Variants in RPGRIP1L observed in about 807,000 individuals in gnomAD.
RPGRIP1L encodes the protein RPGRIP1 like.
Under a neutral mutation model 160.4 loss-of-function variants are expected in RPGRIP1L, and 131 were observed. The ratio of observed to expected loss-of-function variants is 0.82; its 90% CI spans 0.71 to 0.94. The LOEUF (loss-of-function observed/expected upper bound fraction) is 0.94, where lower values mean the gene tolerates loss of function less well. Among genes scored for constraint, RPGRIP1L ranks in the 40% least tolerant of loss-of-function variants. The pLI, the probability that RPGRIP1L is intolerant of heterozygous loss-of-function variation, is 0.00. For synonymous variants in RPGRIP1L, 510 were observed against 515.8 expected, an observed-to-expected ratio of 0.99 and a Z score of 0.15; for missense variants, 1,522 against 1,535.8, an observed-to-expected ratio of 0.99 and a Z score of 0.15.
At chr16:53,656,356 A>C in intron 14 of RPGRIP1L, 116 bp downstream of exon 14, 1 of 805,530 alleles carries the variant, frequency 1.2e-6, no homozygotes, top group South Asian at 1.3e-5. Flanking sequence ...GCTAGCTATG[A>C]ATTAGGCGTA....
intron 9 of RPGRIP1L, among the ~76,000 whole-genome samples, chr16:53,666,345 T>G (rs1968248999): frequency 6.6e-6 from 1 of 152,126 alleles, no homozygotes; most frequent in South Asian, 2.1e-4. Context: ...TATGGAAACT[T>G]AACAAAATAT....
intron 17 of RPGRIP1L, 124 bp from the exon 18 acceptor site, chr16:53,641,599 G>C (rs1966228897): frequency 2.4e-6 from 2 of 842,728 alleles, no homozygotes; most frequent in South Asian, 3.2e-5. Flanking sequence ...TAGCCAGGTG[G>C]TTGTACCCCC....
intron 22 of RPGRIP1L, among the ~76,000 whole-genome samples, chr16:53,630,167 T>C (rs963796194): frequency 4.6e-5 from 7 of 151,990 alleles, no homozygotes; most frequent in Non-Finnish European, 1.0e-4. Flanking sequence ...ACCTCAGCCT[T>C]CAGAGTAGCT....
At chr16:53,665,246 C>T (rs1320145727) in intron 9 of RPGRIP1L, among the ~76,000 whole-genome samples, 1 of 152,030 alleles carries the variant, frequency 6.6e-6, no homozygotes, top group East Asian at 1.9e-4. Flanking sequence ...GCTCTAAAGT[C>T]AGAAAAGTTG....
At chr16:53,649,731 C>G (rs1381871374) in intron 15 of RPGRIP1L, among the ~76,000 whole-genome samples, 1 of 152,186 alleles carries the variant, frequency 6.6e-6, no homozygotes, top group Non-Finnish European at 1.5e-5. Flanking sequence ...GGAAGACTTT[C>G]TGTGTGGCTC....
chr16:53,657,413 T>C, intron 13 of RPGRIP1L, 40 bp downstream of exon 13: 1 of 1,334,280 alleles, frequency 7.5e-7, no homozygotes, highest in Non-Finnish European at 1.1e-6. Context: ...ATCAGAATAT[T>C]ATAGAAAACT....
At chr16:53,634,577 C>T (rs554059307) in intron 22 of RPGRIP1L, among the ~76,000 whole-genome samples, 1 of 152,072 alleles carries the variant, frequency 6.6e-6, no homozygotes, top group Non-Finnish European at 1.5e-5. Context: ...AAATCCCACA[C>T]GAATAGATTA....
intron 24 of RPGRIP1L, among the ~76,000 whole-genome samples, chr16:53,615,850 G>C (rs1370323687): frequency 6.6e-6 from 1 of 152,076 alleles, no homozygotes; most frequent in East Asian, 1.9e-4. Flanking sequence ...GTCCACCTCA[G>C]CCTCCCAAAG....
At chr16:53,675,512 C>A (rs1339300644) in intron 6 of RPGRIP1L, among the ~76,000 whole-genome samples, 2 of 152,114 alleles carry the variant, frequency 1.3e-5, no homozygotes, top group South Asian at 2.1e-4. Flanking sequence ...GGAGGACTAT[C>A]ACGCTACTTT....
chr16:53,647,798 T>C (rs1312861695), intron 16 of RPGRIP1L, among the ~76,000 whole-genome samples: 2 of 152,196 alleles, frequency 1.3e-5, no homozygotes, highest in African/African-American at 4.8e-5. Flanking sequence ...ATACTTTACA[T>C]TGCCTACTAA....
rs1966220043 is a variant in RPGRIP1L at position 53,641,487 on chromosome 16, C to T, written c.2684-12G>A. 1 of 1,606,074 alleles carries T rather than the reference C, an allele frequency of 6.2e-7. No individual in the cohort carries two copies. ...TAACTCAAATATTCCTGTCAAATTACAATAATTTTAATTAATGCTAGAGTG... is the reference window on the plus strand; with the variant it reads ...TAACTCAAATATTCCTGTCAAATTATAATAATTTTAATTAATGCTAGAGTG... On this transcript the variant is annotated splice_polypyrimidine_tract_variant and intron_variant, in intron 17 of 26. Coordinates refer to ENST00000647211, the MANE Select transcript of RPGRIP1L (RefSeq NM_015272.5).
chr16:53,696,079 A>C (rs999748539), intron 3 of RPGRIP1L, 72 bp downstream of exon 3: 39 of 1,437,866 alleles, frequency 2.7e-5, no homozygotes, highest in Non-Finnish European at 3.5e-5. Flanking sequence ...GTATTCAATT[A>C]AGTTTATAAA....
At chr16:53,607,360 C>T (rs910689317) in intron 25 of RPGRIP1L, among the ~76,000 whole-genome samples, 1 of 152,130 alleles carries the variant, frequency 6.6e-6, no homozygotes, top group African/African-American at 2.4e-5. Context: ...AAAAACTTGG[C>T]ATCGGAAAAG....
chr16:53,702,626 T>C (rs1463732932), intron 1 of RPGRIP1L, among the ~76,000 whole-genome samples: 2 of 152,204 alleles, frequency 1.3e-5, no homozygotes, highest in African/African-American at 4.8e-5. Flanking sequence ...AGGTTTTCCC[T>C]GACCATCCTA....
intron 25 of RPGRIP1L, among the ~76,000 whole-genome samples, chr16:53,606,273 G>C (rs1366157261): frequency 6.6e-6 from 1 of 152,182 alleles, no homozygotes; most frequent in Non-Finnish European, 1.5e-5. Context: ...TGAATTAGTG[G>C]CTTGTGCGGA....
chr16:53,608,620 A>G (rs372758369), intron 25 of RPGRIP1L, among the ~76,000 whole-genome samples: 35 of 152,348 alleles, frequency 2.3e-4, no homozygotes, highest in African/African-American at 7.9e-4. Flanking sequence ...AATTTATTAT[A>G]CAATGTCTAT....
Position 53,687,234 on chromosome 16 carries a change from T to C in RPGRIP1L, c.632+629A>G, listed in dbSNP as rs532743246. Reference sequence around the variant, plus strand: ...ATGATACTGTGCGCCATGTTTTCTTTTCTCATGAAGTATTGTTACTTTTTG... The same window carrying C: ...ATGATACTGTGCGCCATGTTTTCTTCTCTCATGAAGTATTGTTACTTTTTG... On this transcript the variant is annotated intron_variant, in intron 5 of 26. Transcript: ENST00000647211. Among the ~76,000 whole-genome samples the C allele has an allele frequency of 2.3e-4, 35 of 152,272 alleles. 1 individual carries two copies. The highest frequency in any genetic ancestry group is 3.7e-4 in the Non-Finnish European group (25 of 67,986).
Position 53,685,823 on chromosome 16 carries a change from A to G in RPGRIP1L, c.776+610T>C, listed in dbSNP as rs547115743. Among the ~76,000 whole-genome samples the G allele has an allele frequency of 5.9e-5, 9 of 152,288 alleles. No individual in the cohort carries two copies. In the South Asian group the frequency reaches 6.2e-4, roughly 11 times the overall value. On this transcript the variant is annotated intron_variant, in intron 6 of 26. Coordinates refer to ENST00000647211, the MANE Select transcript of RPGRIP1L (RefSeq NM_015272.5). Reference sequence around the variant, plus strand: ...AAACCACCATGGTACACATTTATCTATGTAACAAACCTACACATCCTGTAC... The same window carrying G: ...AAACCACCATGGTACACATTTATCTGTGTAACAAACCTACACATCCTGTAC...
intron 23 of RPGRIP1L, among the ~76,000 whole-genome samples, chr16:53,620,174 A>G (rs1598244718): frequency 6.6e-6 from 1 of 152,320 alleles, no homozygotes; most frequent in Non-Finnish European, 1.5e-5. Context: ...TTAAATTTAA[A>G]TCAGTGTGTA....
Sources: allele counts gnomAD v4.1 joint callset (sites outside exome capture counted in the v4.1 genomes callset), GRCh38; gene constraint gnomAD v4.1.1; transcripts MANE v1.5; gene names NCBI Gene and HGNC (gene_info 2026-07-23, HGNC 2026-07-21).